The following ASAP1 variants were observed in gnomAD, a reference collection of about 807,000 sequenced individuals.
The protein encoded by ASAP1 is arf-GAP with SH3 domain, ANK repeat and PH domain-containing protein 1.
Under a neutral mutation model 145.2 loss-of-function variants are expected in ASAP1, and 43 were observed. The observed-to-expected ratio is 0.30, with a 90% confidence interval of 0.23 to 0.38. ASAP1 has a LOEUF of 0.38. Ranked by LOEUF, ASAP1 falls within the 10% of genes least tolerant of loss-of-function variation. ASAP1 has a pLI of 1.00. For missense variants in ASAP1, 1,018 were observed against 1,355.3 expected, an observed-to-expected ratio of 0.75 and a Z score of 3.91; for synonymous variants, 546 against 515.5, an observed-to-expected ratio of 1.06 and a Z score of -0.80.
At chr8:130,111,916 G>A (rs970125746) in intron 24 of ASAP1, among the ~76,000 whole-genome samples, 178 bp downstream of exon 24, 3 of 152,216 alleles carry the variant, frequency 2.0e-5, no homozygotes, top group African/African-American at 7.2e-5. Context: ...TGCCTGTCCT[G>A]CTCTTGGTAC....
intron 1 of ASAP1, among the ~76,000 whole-genome samples, chr8:130,422,567 C>A (rs1324094873): frequency 2.0e-5 from 3 of 152,194 alleles, no homozygotes; most frequent in African/African-American, 7.2e-5. Flanking sequence ...ATTCCATTGT[C>A]CTTAGAAATC....
At chr8:130,185,259 A>G (rs1337421400) in intron 7 of ASAP1, among the ~76,000 whole-genome samples, 1 of 152,242 alleles carries the variant, frequency 6.6e-6, no homozygotes, top group East Asian at 1.9e-4. Flanking sequence ...TCTTAAATTC[A>G]GGAGGCACTC....
At chr8:130,335,915 C>T (rs1053494549) in intron 3 of ASAP1, among the ~76,000 whole-genome samples, 4 of 152,024 alleles carry the variant, frequency 2.6e-5, no homozygotes, top group Non-Finnish European at 5.9e-5. Flanking sequence ...AGTTTCAGGA[C>T]ACTAAAAGAA....
intron 27 of ASAP1, among the ~76,000 whole-genome samples, chr8:130,074,486 C>CACACACACACACACACACACACAG (rs5895034): frequency 7.1e-6 from 1 of 140,484 alleles, no homozygotes; most frequent in Non-Finnish European, 1.6e-5. Context: ...CACACACACA[C>CACACACACACACACACACACACAG]AGAGAGAACG....
rs1323653043 is a variant in ASAP1, at chr8:130,358,746, CG to C, written c.60-604del. 7.1e-6 allele frequency among the ~76,000 whole-genome samples: 1 copy of C among 141,354 alleles called. No homozygotes were observed. The highest frequency in any genetic ancestry group is 6.9e-5 in the Admixed American group (1 of 14,474). 92.7% of individuals were successfully genotyped at this position (141,354 alleles called of 152,430 possible). A position where few individuals can be genotyped will look rare whatever the true frequency, so the allele number is the denominator to read the frequency against. On this transcript the variant is annotated intron_variant, in intron 2 of 29. Transcript: ENST00000518721. The surrounding 1 kb of genome is among the most constrained non-coding windows in gnomAD (Gnocchi z 4.1). Reference sequence around the variant, plus strand: ...CGCGCCCCGCCCCCGGCCCGGCCCCCGCCCCGCCCCGCCCCCGCTCGCGCAC... The same window carrying C: ...CGCGCCCCGCCCCCGGCCCGGCCCCCCCCCGCCCCGCCCCCGCTCGCGCAC...
chr8:130,106,073 T>C (rs750945837), intron 24 of ASAP1, among the ~76,000 whole-genome samples: 2 of 152,152 alleles, frequency 1.3e-5, no homozygotes, highest in Non-Finnish European at 2.9e-5. Flanking sequence ...AAGGTCACTA[T>C]TCAGGGCAAA....
intron 2 of ASAP1, chr8:130,386,774 G>A (rs2138441240): frequency 6.6e-6 from 1 of 152,314 alleles, no homozygotes; most frequent in East Asian, 1.9e-4. Flanking sequence ...AGCCAGTCGT[G>A]CTAATGACCT....
At chr8:130,279,654 CTAGA>C (rs562511505) in intron 3 of ASAP1, among the ~76,000 whole-genome samples, 1 of 152,138 alleles carries the variant, frequency 6.6e-6, no homozygotes, top group Non-Finnish European at 1.5e-5. Flanking sequence ...ATAGACTTGA[CTAGA>C]TAATTTCTAG....
intron 3 of ASAP1, among the ~76,000 whole-genome samples, chr8:130,310,048 A>G (rs759241837): frequency 2.0e-5 from 3 of 150,180 alleles, no homozygotes; most frequent in Non-Finnish European, 4.4e-5. Flanking sequence ...CAGTTCTACC[A>G]TACATTAACC....
chr8:130,438,743 T>C lies in ASAP1; in HGVS notation c.-28+4717A>G, dbSNP rs1022501987. On this transcript the variant is annotated intron_variant, in intron 1 of 29. Coordinates refer to ENST00000518721, the MANE Select transcript of ASAP1 (RefSeq NM_018482.4). ...TGAAATAAATCCTCAACTCCAACTC[T>C]CCACGGAGGCCTGGCACAGAGAAGA... Among the ~76,000 whole-genome samples, 8 of 152,242 alleles carry C rather than the reference T, an allele frequency of 5.3e-5. No homozygotes were observed. The East Asian group carries it at 7.7e-4, about 15-fold the overall frequency.
At chr8:130,080,480 T>C (rs867886338) in intron 25 of ASAP1, among the ~76,000 whole-genome samples, 8 of 48,298 alleles carry the variant, frequency 1.7e-4, no homozygotes, top group Non-Finnish European at 3.6e-4. Flanking sequence ...TTCTCTCTCT[T>C]TTTTTTTTTT....
Position 130,361,601 on chromosome 8 carries a change from C to CT in ASAP1, c.60-3459dup, listed in dbSNP as rs1826711327. 2.1e-5 allele frequency: 24 copies of CT among 1,161,090 alleles called. 1 individual carries two copies. In the South Asian group the frequency reaches 2.7e-4, roughly 13 times the overall value. 71.9% of individuals were successfully genotyped at this position (1,161,090 alleles called of 1,614,324 possible). A position where few individuals can be genotyped will look rare whatever the true frequency, so the allele number is the denominator to read the frequency against. The stretch of plus-strand genomic sequence containing the variant: ...AATATGCTCACAATGAGATATTGTG[C>CT]TTTGGTAAGTATATACCTCCTCAGA... On this transcript the variant is annotated intron_variant, in intron 2 of 29. Coordinates refer to ENST00000518721, the MANE Select transcript of ASAP1 (RefSeq NM_018482.4).
chr8:130,381,570 C>T (rs1014059364), intron 2 of ASAP1, among the ~76,000 whole-genome samples: 2 of 152,136 alleles, frequency 1.3e-5, no homozygotes, highest in African/African-American at 4.8e-5. Flanking sequence ...GAGAATTGTG[C>T]ACCTAAGGGA....
intron 28 of ASAP1, among the ~76,000 whole-genome samples, chr8:130,059,611 A>C (rs552475964): frequency 6.6e-6 from 1 of 152,314 alleles, no homozygotes; most frequent in East Asian, 1.9e-4. Context: ...TTATAACAGA[A>C]TGTGAGGCAG....
chr8:130,404,979 C>A (rs1828960717), intron 1 of ASAP1, among the ~76,000 whole-genome samples: 1 of 151,834 alleles, frequency 6.6e-6, no homozygotes, highest in Non-Finnish European at 1.5e-5. Flanking sequence ...CCGGCATGAA[C>A]CAGCCATGCA....
intron 27 of ASAP1, among the ~76,000 whole-genome samples, chr8:130,069,913 C>T (rs866880003): frequency 2.0e-5 from 3 of 152,080 alleles, no homozygotes; most frequent in African/African-American, 4.8e-5. Context: ...AAGCTTTTTG[C>T]GCAAGAGAGA....
Position 130,438,980 on chromosome 8 carries a change from A to G in ASAP1, c.-28+4480T>C, listed in dbSNP as rs1251379234. Among the ~76,000 whole-genome samples the G allele has an allele frequency of 2.6e-5, 4 of 152,350 alleles. No homozygotes were observed. The East Asian group carries it at 7.7e-4, about 29-fold the overall frequency. On this transcript the variant is annotated intron_variant, in intron 1 of 29. Coordinates refer to ENST00000518721, the MANE Select transcript of ASAP1 (RefSeq NM_018482.4). Reference sequence around the variant, plus strand: ...GAACACATTAGGTTCCATGAGTTACATGGCAATGGAAAATGAAGGTTGCAG... The same window carrying G: ...GAACACATTAGGTTCCATGAGTTACGTGGCAATGGAAAATGAAGGTTGCAG...
chr8:130,176,938 C>T (rs1813997974), intron 9 of ASAP1, among the ~76,000 whole-genome samples: 1 of 152,126 alleles, frequency 6.6e-6, no homozygotes, highest in Non-Finnish European at 1.5e-5. Context: ...AATCCACCTG[C>T]CTCAGCCTCC....
chr8:130,141,324 T>C (rs1586423860), intron 13 of ASAP1, among the ~76,000 whole-genome samples: 1 of 152,236 alleles, frequency 6.6e-6, no homozygotes, highest in South Asian at 2.1e-4. Flanking sequence ...CTCTGAGTTG[T>C]TCCTTTGGCT....
Sources: allele counts gnomAD v4.1 joint callset (sites outside exome capture counted in the v4.1 genomes callset), GRCh38; gene constraint gnomAD v4.1.1; non-coding constraint Gnocchi (gnomAD v3.1); transcripts MANE v1.5; gene names NCBI Gene and HGNC (gene_info 2026-07-23, HGNC 2026-07-21).